Variants in CPNE4 observed in about 807,000 individuals in gnomAD.
CPNE4 encodes copine 4.
In CPNE4, 25 loss-of-function variants were observed where a neutral mutation model predicts 67.9. The ratio of observed to expected loss-of-function variants is 0.37; its 90% CI spans 0.27 to 0.51. CPNE4 has a LOEUF of 0.51. Ranked by LOEUF, CPNE4 falls within the 20% of genes least tolerant of loss-of-function variation. The pLI is 0.93. For missense variants in CPNE4, 464 were observed against 690.8 expected (o/e 0.67, Z 3.68); for synonymous variants, 242 against 244.9 (o/e 0.99, Z 0.11).
intron 7 of CPNE4, among the ~76,000 whole-genome samples, chr3:131,589,402 C>T (rs1323363932): frequency 2.0e-5 from 3 of 152,164 alleles, no homozygotes; most frequent in South Asian, 4.1e-4. Context: ...TCAGAAGACT[C>T]GGCAGGCAAG....
At chr3:131,693,261 T>G (rs1487412813) in intron 5 of CPNE4, among the ~76,000 whole-genome samples, 2 of 152,180 alleles carry the variant, frequency 1.3e-5, no homozygotes, top group African/African-American at 4.8e-5. Context: ...CCCCTTTACA[T>G]TCTTAAAAGT....
At chr3:131,885,874 C>T (rs1355386226) in intron 2 of CPNE4, among the ~76,000 whole-genome samples, 5 of 152,070 alleles carry the variant, frequency 3.3e-5, no homozygotes, top group African/African-American at 4.8e-5. Flanking sequence ...CAAAAGGTGA[C>T]GTAGGTGCTA....
chr3:131,683,622 C>T (rs1395967493), intron 6 of CPNE4, among the ~76,000 whole-genome samples: 3 of 152,028 alleles, frequency 2.0e-5, no homozygotes, highest in Non-Finnish European at 4.4e-5. Context: ...GGTGCATGCA[C>T]CTGAGGGGTG....
intron 14 of CPNE4, among the ~76,000 whole-genome samples, chr3:131,547,067 G>T (rs1935888529): frequency 6.6e-6 from 1 of 152,068 alleles, no homozygotes. Flanking sequence ...GTTCAAATTT[G>T]CTCCAAGACC....
At chr3:132,000,370 G>T (rs758754294) in intron 1 of CPNE4, among the ~76,000 whole-genome samples, 1 of 151,938 alleles carries the variant, frequency 6.6e-6, no homozygotes, top group Admixed American at 6.6e-5. Context: ...TAAGCACATT[G>T]CATTAATTTA....
At chr3:131,996,694 T>C (rs1399681904) in intron 1 of CPNE4, among the ~76,000 whole-genome samples, 1 of 151,880 alleles carries the variant, frequency 6.6e-6, no homozygotes, top group Non-Finnish European at 1.5e-5. Flanking sequence ...ACAGCATAGG[T>C]CTATAGTGTC....
intron 7 of CPNE4, among the ~76,000 whole-genome samples, chr3:131,655,661 G>GC (rs1309033351): frequency 6.6e-6 from 1 of 152,136 alleles, no homozygotes; most frequent in Non-Finnish European, 1.5e-5. Context: ...GGGGGGCAGG[G>GC]GGGTGGAGAC....
At chr3:131,918,996 G>A (rs2070665088) in intron 1 of CPNE4, among the ~76,000 whole-genome samples, 1 of 152,120 alleles carries the variant, frequency 6.6e-6, no homozygotes, top group East Asian at 1.9e-4. Flanking sequence ...GAATGCCCAG[G>A]AAACAGTGCA....
At chr3:131,940,066 C>T (rs7610002) in intron 1 of CPNE4, among the ~76,000 whole-genome samples, 36,418 of 151,868 alleles carry the variant, frequency 0.24, 4,865 homozygotes, top group East Asian at 0.44. Context: ...TGTGTATGTG[C>T]TCTAACCCTG....
At chr3:131,886,419 A>G (rs2087896842) in intron 2 of CPNE4, among the ~76,000 whole-genome samples, 1 of 152,210 alleles carries the variant, frequency 6.6e-6, no homozygotes, top group African/African-American at 2.4e-5. Context: ...GGGTGGGGCT[A>G]TCATGGGGAA....
intron 13 of CPNE4, among the ~76,000 whole-genome samples, chr3:131,552,088 G>A (rs1435769210): frequency 6.8e-6 from 1 of 147,054 alleles, no homozygotes; most frequent in African/African-American, 2.5e-5. Context: ...AAAAACACTT[G>A]ATGAAAATTT....
chr3:131,677,015 T>A (rs944406338), intron 6 of CPNE4, among the ~76,000 whole-genome samples: 2 of 151,870 alleles, frequency 1.3e-5, no homozygotes, highest in Non-Finnish European at 2.9e-5. Context: ...AAAGCATTCC[T>A]TTTTCTCCAC....
intron 2 of CPNE4, among the ~76,000 whole-genome samples, chr3:131,815,394 C>G (rs968993658): frequency 6.6e-6 from 1 of 152,208 alleles, no homozygotes; most frequent in African/African-American, 2.4e-5. Flanking sequence ...TGAAATAAAT[C>G]TGACCTCTCG....
chr3:131,909,966 C>T (rs145543515), intron 1 of CPNE4, among the ~76,000 whole-genome samples: 1 of 151,960 alleles, frequency 6.6e-6, no homozygotes, highest in Non-Finnish European at 1.5e-5. Flanking sequence ...CAACGGGAAA[C>T]AGAGGATTTG....
chr3:131,840,170 T>C (rs115949150), intron 2 of CPNE4, among the ~76,000 whole-genome samples: 2,155 of 152,300 alleles, frequency 0.014, 25 homozygotes, highest in Middle Eastern at 0.034. Flanking sequence ...CCTTATATCT[T>C]CTACTCCAAG....
intron 14 of CPNE4, 84 bp from the exon 15 acceptor site, chr3:131,542,877 G>T (rs1233835358): frequency 2.1e-6 from 2 of 947,600 alleles, no homozygotes; most frequent in Non-Finnish European, 3.3e-6. Context: ...AGACACCCAG[G>T]TGGCCTCACT....
At chr3:131,660,315 T>C (rs533089856) in intron 7 of CPNE4, among the ~76,000 whole-genome samples, 2 of 148,492 alleles carry the variant, frequency 1.3e-5, no homozygotes, top group South Asian at 2.2e-4. Flanking sequence ...TTCTTCCAAT[T>C]TGGAGTCACT....
intron 2 of CPNE4, among the ~76,000 whole-genome samples, chr3:131,815,017 G>A (rs559604760): frequency 1.3e-5 from 2 of 152,212 alleles, no homozygotes; most frequent in African/African-American, 2.4e-5. Flanking sequence ...CATTTTAAGA[G>A]ACTGGTTGGT....
chr3:131,854,086 T>A (rs1329049975), intron 2 of CPNE4, among the ~76,000 whole-genome samples: 1 of 151,936 alleles, frequency 6.6e-6, no homozygotes, highest in African/African-American at 2.4e-5. Context: ...TGTATAAGAA[T>A]CTTCATCTCA....
Sources: gnomAD v4.1 joint callset for allele counts (sites outside exome capture counted in the v4.1 genomes callset) on GRCh38, gnomAD v4.1.1 for gene constraint, MANE v1.5 for transcripts, NCBI Gene and HGNC (gene_info 2026-07-23, HGNC 2026-07-21) for gene names.